SYCP2: variants seen among roughly 807,000 people sequenced by gnomAD.
SYCP2 encodes the protein synaptonemal complex lateral element protein.
Under a neutral mutation model 211.3 loss-of-function variants are expected in SYCP2, and 55 were observed. The observed-to-expected ratio is 0.26, with a 90% CI of 0.21 to 0.33. The LOEUF (loss-of-function observed/expected upper bound fraction) is 0.33, where lower values mean the gene tolerates loss of function less well. Among genes scored for constraint, SYCP2 ranks in the 10% least tolerant of loss-of-function variants. SYCP2 has a pLI of 1.00. For synonymous variants in SYCP2, 570 were observed against 555.2 expected (o/e 1.03, Z -0.37); for missense variants, 1,731 against 1,752.0 (o/e 0.99, Z 0.21).
intron 13 of SYCP2, 96 bp from the exon 14 acceptor site, chr20:59,911,941 G>C: frequency 2.0e-6 from 1 of 497,908 alleles, no homozygotes; most frequent in East Asian, 3.4e-5. Context: ...AGAAAACAAA[G>C]CTAGAAGGAG....
At chr20:59,933,055 C>T (rs1391029410) in intron 1 of SYCP2, among the ~76,000 whole-genome samples, 1 of 152,044 alleles carries the variant, frequency 6.6e-6, no homozygotes, top group Admixed American at 6.5e-5. Flanking sequence ...CCGAGATGCG[C>T]CCCAGGCCGC....
chr20:59,932,878 G>A (rs890204739), intron 1 of SYCP2, among the ~76,000 whole-genome samples: 3 of 152,216 alleles, frequency 2.0e-5, no homozygotes, highest in South Asian at 2.1e-4. Flanking sequence ...AGGGAGAGAA[G>A]GGACTGAAGG....
At chr20:59,899,850 G>A (rs1306251289) in intron 18 of SYCP2, among the ~76,000 whole-genome samples, 2 of 151,948 alleles carry the variant, frequency 1.3e-5, no homozygotes, top group African/African-American at 2.4e-5. Flanking sequence ...ATAGCCAAAT[G>A]CAATTATAGA....
At chr20:59,896,902 A>G (rs891864140) in intron 18 of SYCP2, among the ~76,000 whole-genome samples, 2 of 152,222 alleles carry the variant, frequency 1.3e-5, no homozygotes, top group African/African-American at 2.4e-5. Context: ...TTACATATTT[A>G]TATGAAATTA....
In SYCP2 at chr20:59,867,776, C is replaced by A; in HGVS notation, c.4060G>T (p.Ala1354Ser). 1 of 1,610,046 alleles carries A rather than the reference C, an allele frequency of 6.2e-7. No homozygotes were observed. ...IPWETWQNEF[A>S]GIEMTYETYE... is the part of the protein sequence containing the mutation. ...GTCTCATAAGTCATCTCTATCCCTG[C>A]AAATTCATTTTGCCAGGTCTCCCAA... Residue 1354 changes from alanine to serine, a missense_variant, in exon 39 of 45, where the codon GCA becomes TCA. Transcript: ENST00000357552.
In SYCP2 at chr20:59,868,437, C is replaced by A; in HGVS notation, c.3964G>T (p.Asp1322Tyr). Residue 1322 changes from aspartate (D) to tyrosine (Y), a missense_variant, in exon 38 of 45, where the codon GAT (aspartate) becomes TAT (tyrosine). Transcript: ENST00000357552. ...LLPKKLCKIE[D>Y]ADHHIHKMSE... ...CTTTTGTGGATATGATGATCTGCAT[C>A]TTCAATTTTACACAGTTTTTTGGGA... 3 of 1,610,600 alleles carry A rather than the reference C, an allele frequency of 1.9e-6. No homozygotes were observed. The highest frequency in any genetic ancestry group is 1.7e-6 in the Non-Finnish European group (2 of 1,178,206).
At position 59,880,374 on chromosome 20, in the gene SYCP2, G is replaced by T. The variant is rs201450022; in HGVS notation, c.2870C>A (p.Pro957Gln). The change falls in exon 31 of 45, where the codon CCG becomes CAG. Residue 957 changes from proline to glutamine, a missense_variant. Pro to Gln is a moderately conservative substitution (Grantham distance 76). Transcript: ENST00000357552. ...GTCTATTAGCTGTGGTTTTGATTTC[G>T]GTTCTCTTAGCCAGCTAATATCAGT... ...SKTDISWLRE[P>Q]KSKPQLIDYS... The T allele has an allele frequency of 6.2e-7, 1 of 1,600,434 alleles. No homozygotes were observed.
chr20:59,889,586 T>C (rs916030940), intron 24 of SYCP2, among the ~76,000 whole-genome samples: 15 of 152,020 alleles, frequency 9.9e-5, no homozygotes, highest in South Asian at 4.2e-4. Flanking sequence ...AAACACAAAA[T>C]TTACTATTTT....
At chr20:59,871,319 A>G (rs1163538488) in intron 35 of SYCP2, among the ~76,000 whole-genome samples, 1 of 151,964 alleles carries the variant, frequency 6.6e-6, no homozygotes, top group East Asian at 1.9e-4. Flanking sequence ...ACAACTGATA[A>G]CATCTACTTA....
At chr20:59,886,879 T>C (rs945171472) in intron 24 of SYCP2, 45 bp from the exon 25 acceptor site, 5 of 1,467,790 alleles carry the variant, frequency 3.4e-6, no homozygotes, top group Non-Finnish European at 4.5e-6. Context: ...CAGTTAATCT[T>C]TAAAGGAAAA....
At position 59,870,009 on chromosome 20, in the gene SYCP2, C is replaced by A. The variant is rs190543388; in HGVS notation, c.3556-26G>T. On this transcript the variant is annotated intron_variant, in intron 35 of 44. Coordinates refer to ENST00000357552, the MANE Select transcript of SYCP2 (RefSeq NM_014258.4). ...CTATGAATGAAGACATACAAAAACC[C>A]AATAAGAAGTTACAAAATTGTTCAA... 9.1e-5 allele frequency: 133 copies of A among 1,462,434 alleles called. No individual in the cohort carries two copies. The African/African-American group carries it at 1.7e-3, about 19-fold the overall frequency. 90.6% of individuals were successfully genotyped at this position (1,462,434 alleles called of 1,614,324 possible). A position where few individuals can be genotyped will look rare whatever the true frequency, so the allele number is the denominator to read the frequency against.
At position 59,869,999 on chromosome 20, in the gene SYCP2, T is replaced by C. The variant is rs1203401557; in HGVS notation, c.3556-16A>G. 1.3e-6 allele frequency: 2 copies of C among 1,518,556 alleles called. No homozygotes were observed. Among genetic ancestry groups the C allele is most frequent in the South Asian group, 1.3e-5 (1 of 76,756 alleles). The allele number at this position is 1,518,556 out of a possible 1,614,324, so 94.1% of individuals were successfully genotyped here. On this transcript the variant is annotated splice_polypyrimidine_tract_variant and intron_variant, in intron 35 of 44. Coordinates refer to ENST00000357552, the MANE Select transcript of SYCP2 (RefSeq NM_014258.4). Reference sequence around the variant, plus strand: ...TATGTCTGGGCTATGAATGAAGACATACAAAAACCCAATAAGAAGTTACAA... The same window carrying C: ...TATGTCTGGGCTATGAATGAAGACACACAAAAACCCAATAAGAAGTTACAA...
At chr20:59,897,862 T>C (rs567062464) in intron 18 of SYCP2, among the ~76,000 whole-genome samples, 147 of 152,214 alleles carry the variant, frequency 9.7e-4, no homozygotes, top group African/African-American at 3.4e-3. Flanking sequence ...GAAGGGCAGA[T>C]CACCTGAGGT....
At chr20:59,895,908 A>G (rs2059998685) in intron 19 of SYCP2, among the ~76,000 whole-genome samples, 1 of 152,142 alleles carries the variant, frequency 6.6e-6, no homozygotes, top group Non-Finnish European at 1.5e-5. Flanking sequence ...CATATAGACT[A>G]AGACTTTAAC....
chr20:59,889,383 A>C (rs1193136059), intron 24 of SYCP2, among the ~76,000 whole-genome samples: 1 of 151,262 alleles, frequency 6.6e-6, no homozygotes, highest in African/African-American at 2.5e-5. Context: ...AAATTGCTCC[A>C]AAAATGATTT....
chr20:59,912,764 G>A (rs1403360788), intron 12 of SYCP2, among the ~76,000 whole-genome samples: 1 of 152,172 alleles, frequency 6.6e-6, no homozygotes, highest in East Asian at 1.9e-4. Flanking sequence ...GACCTGGTAG[G>A]AGATAACAGA....
chr20:59,917,872 A>G (rs1028139104), intron 7 of SYCP2, among the ~76,000 whole-genome samples: 1 of 152,188 alleles, frequency 6.6e-6, no homozygotes, highest in Non-Finnish European at 1.5e-5. Flanking sequence ...TTGGCAAACT[A>G]TGGCCCACGA....
chr20:59,881,611 C>T (rs2059682516), intron 28 of SYCP2, 119 bp from the exon 29 acceptor site: 3 of 542,640 alleles, frequency 5.5e-6, no homozygotes, highest in Admixed American at 4.0e-5. Context: ...ATAAAATTAA[C>T]TTTACTACAA....
At chr20:59,866,234 GTA>G (rs2059329977) in intron 41 of SYCP2, 57 bp downstream of exon 41, 1 of 1,152,788 alleles carries the variant, frequency 8.7e-7, no homozygotes, top group Non-Finnish European at 1.2e-6. Flanking sequence ...GTTTTTCCAA[GTA>G]TAGCTCTTTA....
Sources: gnomAD v4.1 joint callset for allele counts (sites outside exome capture counted in the v4.1 genomes callset) on GRCh38, gnomAD v4.1.1 for gene constraint, MANE v1.5 for transcripts, NCBI Gene and HGNC (gene_info 2026-07-23, HGNC 2026-07-21) for gene names.